The following CDK5RAP3 variants were observed in gnomAD, a reference collection of about 807,000 sequenced individuals.
The protein encoded by CDK5RAP3 is CDK5 regulatory subunit-associated protein 3.
Under a neutral mutation model 73.3 loss-of-function variants are expected in CDK5RAP3, and 58 were observed. That is an observed-to-expected ratio of 0.79 (90% CI 0.64 to 0.98). The LOEUF is 0.98. Among genes scored for constraint, CDK5RAP3 ranks in the 50% least tolerant of loss-of-function variants. The probability of loss-of-function intolerance (pLI) is 0.00; values close to 1 mark genes in which losing one functional copy is unlikely to be tolerated. For synonymous variants in CDK5RAP3, 224 were observed against 247.5 expected, an observed-to-expected ratio of 0.91 and a Z score of 0.89; for missense variants, 525 against 615.8, an observed-to-expected ratio of 0.85 and a Z score of 1.56.
At chr17:47,976,874 G>T in intron 9 of CDK5RAP3, 52 bp downstream of exon 9, 1 of 1,197,440 alleles carries the variant, frequency 8.4e-7, no homozygotes, top group Non-Finnish European at 1.2e-6. Context: ...CTAACCATAA[G>T]AAAAGTGTCA....
intron 6 of CDK5RAP3, 54 bp downstream of exon 6, chr17:47,975,391 T>G: frequency 6.2e-7 from 1 of 1,606,064 alleles, no homozygotes. Flanking sequence ...CCTGCTTGTC[T>G]TCCTCTGACC....
rs1403404093 is a variant in CDK5RAP3, at chr17:47,981,330, A to G, written c.1451A>G (p.Lys484Arg). 3.1e-6 allele frequency: 5 copies of G among 1,614,022 alleles called. No homozygotes were observed. Among genetic ancestry groups the G allele is most frequent in the Non-Finnish European group, 4.2e-6 (5 of 1,179,970 alleles). ...LLLEKTKELQ[K>R]LIEADISKRY... ...CTGGAGAAGACCAAGGAGCTGCAGAAGCTGGTGAGATGGGAAAGGGAGGCC... is the reference window on the plus strand; with the variant it reads ...CTGGAGAAGACCAAGGAGCTGCAGAGGCTGGTGAGATGGGAAAGGGAGGCC... The change falls in exon 13 of 14, where the codon AAG (lysine) becomes AGG (arginine). Residue 484 changes from lysine (K) to arginine (R), a missense_variant. By Grantham distance (26) the Lys-to-Arg change is conservative. Transcript: ENST00000338399.
At chr17:47,975,458 C>T (rs1454304693) in intron 6 of CDK5RAP3, 56 bp from the exon 7 acceptor site, 8 of 1,609,070 alleles carry the variant, frequency 5.0e-6, no homozygotes, top group South Asian at 2.2e-5. Flanking sequence ...TACTTTTCTT[C>T]GGTCTTTGGA....
intron 5 of CDK5RAP3, chr17:47,974,727 G>T: frequency 7.5e-7 from 1 of 1,330,974 alleles, no homozygotes; most frequent in Non-Finnish European, 9.7e-7. Flanking sequence ...CTTGGTTAGC[G>T]GGAGTGTGCT....
intron 8 of CDK5RAP3, 78 bp downstream of exon 8, chr17:47,976,091 C>T: frequency 6.6e-7 from 1 of 1,524,344 alleles, no homozygotes. Flanking sequence ...CAGCCCAACC[C>T]AAGACCCAGA....
chr17:47,968,408 A>C (rs2036211089), upstream of CDK5RAP3, among the ~76,000 whole-genome samples: 1 of 143,432 alleles, frequency 7.0e-6, no homozygotes, highest in Non-Finnish European at 1.5e-5. Context: ...TCCGCCTCCC[A>C]AGTTCAGGTG....
At chr17:47,975,704 A>G in intron 7 of CDK5RAP3, 51 bp downstream of exon 7, 1 of 1,569,794 alleles carries the variant, frequency 6.4e-7, no homozygotes, top group African/African-American at 1.3e-5. Context: ...TGTGTTCCCC[A>G]GCTCATGACC....
At chr17:47,970,740 C>T (rs775146437), upstream of CDK5RAP3, 12 of 1,533,114 alleles carry the variant, frequency 7.8e-6, no homozygotes, top group African/African-American at 4.1e-5. Context: ...GCAACGGCCT[C>T]CCAGATCGGC....
intron 5 of CDK5RAP3, chr17:47,974,896 T>C (rs1212037113): frequency 1.5e-6 from 2 of 1,369,524 alleles, no homozygotes; most frequent in African/African-American, 2.9e-5. Flanking sequence ...TTCCTGAGCA[T>C]CTACTAAATG....
chr17:47,980,661 GT>G lies in CDK5RAP3; in HGVS notation c.1148del (p.Phe383SerfsTer26). 1 of 1,614,072 alleles carries G rather than the reference GT, an allele frequency of 6.2e-7. No individual in the cohort carries two copies. Among genetic ancestry groups the G allele is most frequent in the Non-Finnish European group, 8.5e-7 (1 of 1,180,030 alleles). Reference sequence around the variant, plus strand: ...AGGCAGATGTCCTGTCTGTGAGCCAGTTCCAGCTGGCTCCAGCCATCCTGCA... The same window carrying G: ...AGGCAGATGTCCTGTCTGTGAGCCAGTCCAGCTGGCTCCAGCCATCCTGCA... ...EEADVLSVSQ[F>X]QLAPAILQGQ... On this transcript the variant is annotated frameshift_variant, in exon 12 of 14. Coordinates refer to ENST00000338399, the MANE Select transcript of CDK5RAP3 (RefSeq NM_176096.3). LOFTEE classifies it high-confidence loss of function.
intron 10 of CDK5RAP3, 106 bp from the exon 11 acceptor site, chr17:47,978,723 C>T: frequency 1.2e-6 from 1 of 833,258 alleles, no homozygotes; most frequent in Non-Finnish European, 2.0e-6. Flanking sequence ...GTGGCTTTAG[C>T]ACAGTGAGTC....
In CDK5RAP3 at chr17:47,973,054, G is replaced by A. The variant is rs532661968; in HGVS notation, c.53-465G>A. 9.8e-5 allele frequency among the ~76,000 whole-genome samples: 15 copies of A among 152,286 alleles called. No homozygotes were observed. The South Asian group carries it at 2.5e-3, about 25-fold the overall frequency. ...AGTCATGTTATCTAGTCCTTAGGGC[G>A]CTGTAGGTATTAGGGGCTTTGCAGC... is the stretch of plus-strand genomic sequence containing the variant. On this transcript the variant is annotated intron_variant, in intron 2 of 13. Transcript: ENST00000338399.
At chr17:47,976,110 G>A in intron 8 of CDK5RAP3, 97 bp downstream of exon 8, 1 of 1,455,734 alleles carries the variant, frequency 6.9e-7, no homozygotes, top group South Asian at 1.3e-5. Context: ...GAGAGAAGAA[G>A]GGAGGATTTC....
chr17:47,975,834 G>A (rs1359999126), intron 7 of CDK5RAP3, 35 bp from the exon 8 acceptor site: 2 of 1,613,228 alleles, frequency 1.2e-6, no homozygotes, highest in African/African-American at 2.7e-5. Flanking sequence ...CTTACGCATG[G>A]TCGGCAGGAG....
Position 47,971,357 on chromosome 17 carries a change from G to C in CDK5RAP3, c.7-5G>C. 6.2e-7 allele frequency: 1 copy of C among 1,610,122 alleles called. No individual in the cohort carries two copies. On this transcript the variant is annotated splice_polypyrimidine_tract_variant and splice_region_variant and intron_variant, in intron 1 of 13. Coordinates refer to ENST00000338399, the MANE Select transcript of CDK5RAP3 (RefSeq NM_176096.3). Reference sequence around the variant, plus strand: ...CGCCCCCCTCCTCACCGTGTTTCCCGCCAGGACCATCAGCACGTGCCCATC... The same window carrying C: ...CGCCCCCCTCCTCACCGTGTTTCCCCCCAGGACCATCAGCACGTGCCCATC...
chr17:47,971,066 A>G, upstream of CDK5RAP3: 1 of 1,550,332 alleles, frequency 6.5e-7, no homozygotes, highest in Non-Finnish European at 8.7e-7. Context: ...GTCTAAACGG[A>G]GGCTCGGCCA....
intron 2 of CDK5RAP3, 57 bp downstream of exon 2, chr17:47,971,464 C>T (rs965634820): frequency 6.0e-6 from 9 of 1,491,656 alleles, no homozygotes; most frequent in Middle Eastern, 3.5e-4. Context: ...TGCGTTGCCC[C>T]CTGTGTCCAA....
Position 47,981,143 on chromosome 17 carries a change from C to A in CDK5RAP3, c.1284-20C>A. 1.2e-6 allele frequency: 2 copies of A among 1,606,078 alleles called. No individual in the cohort carries two copies. Among genetic ancestry groups the A allele is most frequent in the South Asian group, 2.2e-5 (2 of 90,556 alleles). ...CAGGATGCACAGCTAACCCAGCACT[C>A]ACCTGAGTGCCCCGCACAGGTATGT... On this transcript the variant is annotated intron_variant, in intron 12 of 13. Coordinates refer to ENST00000338399, the MANE Select transcript of CDK5RAP3 (RefSeq NM_176096.3).
At chr17:47,979,054 G>C (rs752880240) in intron 11 of CDK5RAP3, 137 bp downstream of exon 11, 55 of 664,806 alleles carry the variant, frequency 8.3e-5, no homozygotes, top group Middle Eastern at 7.5e-4. Flanking sequence ...GGAGCCTCAC[G>C]TATTAGATGC....
Sources: gnomAD v4.1 joint callset for allele counts (sites outside exome capture counted in the v4.1 genomes callset) on GRCh38, gnomAD v4.1.1 for gene constraint, MANE v1.5 for transcripts, NCBI Gene and HGNC (gene_info 2026-07-23, HGNC 2026-07-21) for gene names.